The following FER1L6 variants were observed in gnomAD, a reference collection of about 807,000 sequenced individuals.
The protein encoded by FER1L6 is fer-1 like family member 6.
In FER1L6, 177 loss-of-function variants were observed where a neutral mutation model predicts 219.2. That is an observed-to-expected ratio of 0.81 (90% confidence interval 0.71 to 0.91). FER1L6 has a LOEUF of 0.91. FER1L6 is among the 40% of genes least tolerant of loss of function. FER1L6 has a pLI of 0.00. For missense variants in FER1L6, 2,153 were observed against 2,259.9 expected, an observed-to-expected ratio of 0.95 and a Z score of 0.96; for synonymous variants, 768 against 824.3, an observed-to-expected ratio of 0.93 and a Z score of 1.17.
chr8:123,864,138 T>G (rs1816790333), intron 1 of FER1L6, among the ~76,000 whole-genome samples: 1 of 149,822 alleles, frequency 6.7e-6, no homozygotes, highest in East Asian at 1.9e-4. Flanking sequence ...CTTTCCATGT[T>G]TAGCGCTTCC....
chr8:124,016,406 T>C (rs1818201691), intron 15 of FER1L6, among the ~76,000 whole-genome samples: 1 of 152,192 alleles, frequency 6.6e-6, no homozygotes, highest in South Asian at 2.1e-4. Context: ...TCCTTTTTGT[T>C]TCCTTTATAA....
At chr8:123,911,989 T>C (rs915615622) in intron 1 of FER1L6, among the ~76,000 whole-genome samples, 12 of 152,066 alleles carry the variant, frequency 7.9e-5, no homozygotes, top group Non-Finnish European at 4.4e-5. Flanking sequence ...TGGCCTCTAT[T>C]AGCAATAGGG....
intron 1 of FER1L6, among the ~76,000 whole-genome samples, chr8:123,892,297 T>G (rs1485924237): frequency 6.6e-6 from 1 of 152,176 alleles, no homozygotes; most frequent in Non-Finnish European, 1.5e-5. Flanking sequence ...AGACAGATTT[T>G]TTTTTTCTTT....
chr8:124,108,818 C>T (rs551008175), intron 39 of FER1L6, among the ~76,000 whole-genome samples: 1 of 152,132 alleles, frequency 6.6e-6, no homozygotes, highest in South Asian at 2.1e-4. Context: ...TTCAAGGTTG[C>T]AGTGAGCTAT....
chr8:124,024,196 A>ATT (rs201365446), intron 18 of FER1L6, among the ~76,000 whole-genome samples: 1,708 of 142,478 alleles, frequency 0.012, 33 homozygotes, highest in African/African-American at 0.04. Context: ...GTACTTGGCC[A>ATT]TTTTTTTTTT....
At chr8:123,940,428 C>G (rs1342965535) in intron 1 of FER1L6, among the ~76,000 whole-genome samples, 5 of 152,184 alleles carry the variant, frequency 3.3e-5, no homozygotes, top group Non-Finnish European at 5.9e-5. Context: ...ACCTCCGCCT[C>G]CCAAGTTCAA....
At chr8:123,903,254 C>T (rs901506804) in intron 1 of FER1L6, among the ~76,000 whole-genome samples, 3 of 152,088 alleles carry the variant, frequency 2.0e-5, no homozygotes, top group South Asian at 4.2e-4. Context: ...TCTAGTATAT[C>T]GACTTTGGAA....
At chr8:123,931,737 G>A (rs1035101386) in intron 1 of FER1L6, among the ~76,000 whole-genome samples, 32 of 152,102 alleles carry the variant, frequency 2.1e-4, no homozygotes, top group African/African-American at 7.5e-4. Flanking sequence ...ATCAAATATT[G>A]TTGCCTGTTT....
chr8:123,860,315 A>AT (rs1426654412), intron 1 of FER1L6, among the ~76,000 whole-genome samples: 2 of 113,828 alleles, frequency 1.8e-5, no homozygotes, highest in Admixed American at 9.2e-5. Context: ...TGAACTCATC[A>AT]TTTTTTATGG....
intron 12 of FER1L6, among the ~76,000 whole-genome samples, chr8:123,993,392 A>T (rs1315827302): frequency 6.7e-6 from 1 of 149,018 alleles, no homozygotes; most frequent in Non-Finnish European, 1.5e-5. Flanking sequence ...CAGTGAGCCG[A>T]GATCCCGCCA....
chr8:123,976,949 C>G lies in FER1L6; in HGVS notation c.871-468C>G, dbSNP rs529804151. Among the ~76,000 whole-genome samples, 4 of 152,352 alleles carry G rather than the reference C, an allele frequency of 2.6e-5. No individual in the cohort carries two copies. The South Asian group carries it at 8.3e-4, about 32-fold the overall frequency. On this transcript the variant is annotated intron_variant, in intron 9 of 40. Coordinates refer to ENST00000522917, the MANE Select transcript of FER1L6 (RefSeq NM_001039112.2). ...ACATGTTATCTCTGCCATTAAAATA[C>G]AGAACTACCCTGATTGTGTCCCCTT...
intron 1 of FER1L6, among the ~76,000 whole-genome samples, chr8:123,942,550 A>G (rs1238093077): frequency 6.6e-6 from 1 of 152,156 alleles, no homozygotes; most frequent in Non-Finnish European, 1.5e-5. Context: ...CATGAAGACG[A>G]TGGGGGAGAA....
In FER1L6 at chr8:123,852,999, A is replaced by G. The variant is rs181723628; in HGVS notation, c.-8+814A>G. ...ATTCTATGTGTCTATTTAGCTACCT[A>G]TCAGATCAATTTTATTCTTATTTTT... is the stretch of plus-strand genomic sequence containing the variant. On this transcript the variant is annotated intron_variant, in intron 1 of 40. Coordinates refer to ENST00000522917, the MANE Select transcript of FER1L6 (RefSeq NM_001039112.2). The surrounding 1 kb of genome is among the most constrained non-coding windows in gnomAD (Gnocchi z 4.9). 8.3e-4 allele frequency among the ~76,000 whole-genome samples: 126 copies of G among 152,254 alleles called. No individual in the cohort carries two copies. Among genetic ancestry groups the G allele is most frequent in the Non-Finnish European group, 7.1e-4 (48 of 68,020 alleles).
intron 25 of FER1L6, 47 bp from the exon 26 acceptor site, chr8:124,064,300 C>T: frequency 6.6e-7 from 1 of 1,510,016 alleles, no homozygotes; most frequent in South Asian, 1.1e-5. Context: ...GAAACGACCA[C>T]CCTGTGATGC....
chr8:124,033,989 C>T (rs1226325227), intron 18 of FER1L6, among the ~76,000 whole-genome samples: 2 of 152,036 alleles, frequency 1.3e-5, no homozygotes, highest in African/African-American at 4.8e-5. Flanking sequence ...CTGAGTTGCT[C>T]ATAATCCATT....
At chr8:123,926,623 T>C (rs532003583) in intron 1 of FER1L6, among the ~76,000 whole-genome samples, 1 of 152,248 alleles carries the variant, frequency 6.6e-6, no homozygotes, top group East Asian at 1.9e-4. Context: ...GGGTAGAATA[T>C]ATAATAAGGC....
intron 1 of FER1L6, among the ~76,000 whole-genome samples, chr8:123,913,370 T>C (rs1354659550): frequency 2.0e-5 from 3 of 152,218 alleles, no homozygotes; most frequent in African/African-American, 7.2e-5. Flanking sequence ...TACAAAAATC[T>C]ATTCTTTTTA....
At chr8:123,956,193 C>T (rs1815011258) in intron 2 of FER1L6, 119 bp downstream of exon 2, 3 of 926,080 alleles carry the variant, frequency 3.2e-6, no homozygotes, top group South Asian at 3.0e-5. Context: ...AATGTGCTGC[C>T]CCCGACCCTT....
chr8:123,857,743 C>A (rs980906587), intron 1 of FER1L6, among the ~76,000 whole-genome samples: 3 of 152,148 alleles, frequency 2.0e-5, no homozygotes, highest in Non-Finnish European at 2.9e-5. Flanking sequence ...CTCCATGAGG[C>A]CCCTCAGCCA....
Sources: allele counts gnomAD v4.1 joint callset (sites outside exome capture counted in the v4.1 genomes callset), GRCh38; gene constraint gnomAD v4.1.1; non-coding constraint Gnocchi (gnomAD v3.1); transcripts MANE v1.5; gene names NCBI Gene and HGNC (gene_info 2026-07-23, HGNC 2026-07-21).